Variants in EIF2A observed in about 807,000 individuals in gnomAD.
EIF2A encodes the protein eukaryotic translation initiation factor 2A.
In EIF2A, 62 loss-of-function variants were observed where a neutral mutation model predicts 75.2. The ratio of observed to expected loss-of-function variants is 0.82; its 90% CI spans 0.67 to 1.02. The LOEUF (loss-of-function observed/expected upper bound fraction) is 1.02. Ranked by LOEUF, EIF2A falls within the 50% of genes least tolerant of loss-of-function variation. The pLI is 0.00. For missense variants in EIF2A, 611 were observed against 677.7 expected (o/e 0.90, Z 1.09); for synonymous variants, 207 against 239.0 (o/e 0.87, Z 1.23).
At chr3:150,553,073 A>G (rs1262452675) in intron 2 of EIF2A, among the ~76,000 whole-genome samples, 4 of 152,192 alleles carry the variant, frequency 2.6e-5, no homozygotes, top group African/African-American at 7.2e-5. Context: ...TCCCAGCACT[A>G]TGGGAGGCCA....
At chr3:150,556,512 A>T (rs1723578049) in intron 2 of EIF2A, among the ~76,000 whole-genome samples, 1 of 152,190 alleles carries the variant, frequency 6.6e-6, no homozygotes, top group Non-Finnish European at 1.5e-5. Context: ...TTTTTAAAAA[A>T]ATATACTCAC....
chr3:150,563,498 AAG>A lies in EIF2A; in HGVS notation c.293-15_293-14del, dbSNP rs1559878548. On this transcript the variant is annotated splice_polypyrimidine_tract_variant and intron_variant, in intron 4 of 13. Transcript: ENST00000460851. ...ATGTTACAAGGCAATTACTGAAAAA[AAG>A]AAATTTTATTGCAGCTTCTAAAGAT... 6.5e-7 allele frequency: 1 copy of A among 1,539,000 alleles called. No individual in the cohort carries two copies. Among genetic ancestry groups the A allele is most frequent in the South Asian group, 1.2e-5 (1 of 80,836 alleles).
At chr3:150,573,833 AAG>A (rs1724687341) in intron 10 of EIF2A, among the ~76,000 whole-genome samples, 2 of 152,144 alleles carry the variant, frequency 1.3e-5, no homozygotes, top group African/African-American at 2.4e-5. Flanking sequence ...TCACAGAAAA[AAG>A]TTTTTTATAA....
intron 1 of EIF2A, among the ~76,000 whole-genome samples, chr3:150,552,020 C>CA (rs1275419520): frequency 6.6e-6 from 1 of 152,156 alleles, no homozygotes; most frequent in Non-Finnish European, 1.5e-5. Flanking sequence ...GTCACAGATT[C>CA]AGAGGTGGTA....
intron 6 of EIF2A, chr3:150,565,991 C>T (rs1172113617): frequency 2.0e-5 from 3 of 151,898 alleles, no homozygotes; most frequent in African/African-American, 2.4e-5. Context: ...GATGGGGTTT[C>T]GCCATGTTGG....
chr3:150,581,505 G>A (rs1725173245), intron 11 of EIF2A, 113 bp from the exon 12 acceptor site: 11 of 1,253,312 alleles, frequency 8.8e-6, no homozygotes, highest in Non-Finnish European at 1.2e-5. Flanking sequence ...TATATAAAAT[G>A]TAGATAAAAT....
chr3:150,579,651 G>T (rs1725058807), intron 11 of EIF2A, among the ~76,000 whole-genome samples: 1 of 150,924 alleles, frequency 6.6e-6, no homozygotes, highest in Non-Finnish European at 1.5e-5. Context: ...GGAGGTGGAG[G>T]TTGCAATGAG....
At chr3:150,571,868 T>G in intron 9 of EIF2A, 90 bp from the exon 10 acceptor site, 1 of 1,152,180 alleles carries the variant, frequency 8.7e-7, no homozygotes, top group Non-Finnish European at 1.2e-6. Flanking sequence ...CTGTTTGATG[T>G]GTTTGTGAGT....
At chr3:150,556,950 G>A (rs1157648943) in intron 2 of EIF2A, among the ~76,000 whole-genome samples, 3 of 152,098 alleles carry the variant, frequency 2.0e-5, no homozygotes, top group Non-Finnish European at 2.9e-5. Flanking sequence ...TAGAATAATA[G>A]AACTGTAAAC....
At chr3:150,578,869 G>T (rs961203484) in intron 11 of EIF2A, among the ~76,000 whole-genome samples, 1 of 152,142 alleles carries the variant, frequency 6.6e-6, no homozygotes, top group Non-Finnish European at 1.5e-5. Context: ...AGAGCAGTCA[G>T]ATATATGTAA....
chr3:150,567,986 G>C lies in EIF2A; in HGVS notation c.634G>C (p.Ala212Pro), dbSNP rs1295733869. Residue 212 changes from alanine to proline, a missense_variant, in exon 8 of 14, where the codon GCT becomes CCT. Ala to Pro is a conservative substitution (Grantham distance 27). Coordinates refer to ENST00000460851, the MANE Select transcript of EIF2A (RefSeq NM_032025.5). ...QYPNFAGPHA[A>P]LANKSFFKAD... ...CCCCAACTTTGCTGGACCTCATGCA[G>C]CTTTAGCTAATAAAAGTTTCTTTAA... The C allele has an allele frequency of 6.2e-7, 1 of 1,613,322 alleles. No individual in the cohort carries two copies.
chr3:150,565,392 C>G (rs1286942899), intron 6 of EIF2A, among the ~76,000 whole-genome samples: 1 of 152,062 alleles, frequency 6.6e-6, no homozygotes, highest in African/African-American at 2.4e-5. Flanking sequence ...CTGGTTTTTT[C>G]TCCCTCACTT....
At chr3:150,558,100 C>A (rs1723661354) in intron 2 of EIF2A, among the ~76,000 whole-genome samples, 2 of 152,196 alleles carry the variant, frequency 1.3e-5, no homozygotes, top group African/African-American at 4.8e-5. Context: ...TCTATCTCTA[C>A]ACATGAGAAA....
rs554449961 is a variant in EIF2A at position 150,547,838 on chromosome 3, A to G, written c.28+1008A>G. 7.9e-5 allele frequency among the ~76,000 whole-genome samples: 12 copies of G among 152,362 alleles called. No individual in the cohort carries two copies. In the East Asian group the frequency reaches 2.3e-3, roughly 29 times the overall value. The stretch of plus-strand genomic sequence containing the variant: ...AGTCATCATTTATCAAACGCCGAGT[A>G]TAATCTTCTAGATAATATACCAGGC... On this transcript the variant is annotated intron_variant, in intron 1 of 13. Transcript: ENST00000460851.
intron 2 of EIF2A, chr3:150,557,565 A>G: frequency 4.0e-6 from 1 of 251,324 alleles, no homozygotes; most frequent in South Asian, 3.1e-5. Context: ...ACACCTGGCT[A>G]ATTTTTGAAT....
At chr3:150,557,537 A>G in intron 2 of EIF2A, 2 of 228,020 alleles carry the variant, frequency 8.8e-6, no homozygotes, top group South Asian at 7.7e-5. Context: ...AGTAGCTGGG[A>G]CTACAGGCGC....
In EIF2A at chr3:150,584,979, T is replaced by C. The variant is rs187643928; in HGVS notation, c.*1068T>C. Among the ~76,000 whole-genome samples the C allele has an allele frequency of 3.9e-5, 6 of 152,170 alleles. No homozygotes were observed. The highest frequency in any genetic ancestry group is 3.9e-4 in the Admixed American group (6 of 15,292). On this transcript the variant is annotated 3_prime_UTR_variant, in exon 14 of 14. Transcript: ENST00000460851. Reference sequence around the variant, plus strand: ...TGTATCTTTCTAATGATAGATACCATATGAGTATTCAAATATACATACACA... The same window carrying C: ...TGTATCTTTCTAATGATAGATACCACATGAGTATTCAAATATACATACACA...
At chr3:150,583,742 T>C in intron 13 of EIF2A, 104 bp from the exon 14 acceptor site, 6 of 1,009,260 alleles carry the variant, frequency 5.9e-6, no homozygotes, top group Non-Finnish European at 8.9e-6. Context: ...CTGTGTTTAC[T>C]AGTGAACATA....
intron 1 of EIF2A, chr3:150,547,111 A>G (rs1459103089): frequency 2.0e-5 from 10 of 510,866 alleles, no homozygotes; most frequent in Non-Finnish European, 3.2e-5. Context: ...ACAATGTGCT[A>G]GTTGAATTTG....
Sources: allele counts gnomAD v4.1 joint callset (sites outside exome capture counted in the v4.1 genomes callset), GRCh38; gene constraint gnomAD v4.1.1; transcripts MANE v1.5; gene names NCBI Gene and HGNC (gene_info 2026-07-23, HGNC 2026-07-21).